The following EPM2A variants were observed in gnomAD, a reference collection of about 807,000 sequenced individuals.
The protein encoded by EPM2A is EPM2A glucan phosphatase, laforin.
EPM2A carries 21 observed loss-of-function variants against 26.5 expected under a neutral mutation model. The observed-to-expected ratio is 0.79, with a 90% CI of 0.56 to 1.14. The LOEUF (loss-of-function observed/expected upper bound fraction) is 1.14. Ranked by LOEUF, EPM2A falls within the 50% of genes most tolerant of loss-of-function variation. The pLI is 0.00. For missense variants in EPM2A, 458 were observed against 440.8 expected (o/e 1.04, Z -0.35); for synonymous variants, 217 against 177.6 (o/e 1.22, Z -1.76).
chr6:145,460,890 A>T (rs1231578767), intron 4 of EPM2A, among the ~76,000 whole-genome samples: 1 of 152,224 alleles, frequency 6.6e-6, no homozygotes, highest in Non-Finnish European at 1.5e-5. Context: ...TCTTAAAAAA[A>T]ATCCTAAACT....
At chr6:145,609,145 T>A (rs77541061) in intron 2 of EPM2A, among the ~76,000 whole-genome samples, 1 of 152,302 alleles carries the variant, frequency 6.6e-6, no homozygotes, top group Middle Eastern at 3.4e-3. Flanking sequence ...TCTAATACAC[T>A]TGCCTTACAT....
At chr6:145,495,879 T>C (rs1486624588) in intron 4 of EPM2A, among the ~76,000 whole-genome samples, 1 of 152,178 alleles carries the variant, frequency 6.6e-6, no homozygotes, top group East Asian at 1.9e-4. Context: ...CTGGCCTATG[T>C]GGCTGCTTTA....
intron 4 of EPM2A, among the ~76,000 whole-genome samples, chr6:145,488,309 A>G (rs186339157): frequency 4.7e-4 from 72 of 152,142 alleles, no homozygotes; most frequent in African/African-American, 1.6e-3. Flanking sequence ...AGCTCTTTTT[A>G]GGTTCCACAT....
chr6:145,407,448 C>T (rs1412973708), intron 4 of EPM2A, among the ~76,000 whole-genome samples: 1 of 152,052 alleles, frequency 6.6e-6, no homozygotes, highest in African/African-American at 2.4e-5. Flanking sequence ...GTTATCTTGT[C>T]TCATTGACAT....
At chr6:145,472,426 C>T (rs1321903040) in intron 4 of EPM2A, among the ~76,000 whole-genome samples, 1 of 150,384 alleles carries the variant, frequency 6.6e-6, no homozygotes, top group African/African-American at 2.5e-5. Flanking sequence ...TAGGTACCAT[C>T]ATAGCCACGG....
intron 2 of EPM2A, among the ~76,000 whole-genome samples, chr6:145,525,853 C>A (rs1295436358): frequency 1.3e-5 from 2 of 152,044 alleles, no homozygotes; most frequent in Admixed American, 6.6e-5. Context: ...TAAGAGAGAT[C>A]ATCCTTGTCT....
intron 4 of EPM2A, among the ~76,000 whole-genome samples, chr6:145,474,479 A>C (rs1779517576): frequency 6.6e-6 from 1 of 152,018 alleles, no homozygotes; most frequent in African/African-American, 2.4e-5. Context: ...CTAAAACTAA[A>C]ATAAAAGACT....
intron 2 of EPM2A, among the ~76,000 whole-genome samples, chr6:145,585,124 C>T (rs1781174888): frequency 6.6e-6 from 1 of 152,014 alleles, no homozygotes; most frequent in Non-Finnish European, 1.5e-5. Flanking sequence ...TCTCTGAGTG[C>T]TTTTAAGATT....
At chr6:145,517,467 G>A (rs931624662) in intron 2 of EPM2A, among the ~76,000 whole-genome samples, 7 of 152,184 alleles carry the variant, frequency 4.6e-5, no homozygotes, top group Non-Finnish European at 1.0e-4. Context: ...GCTTCCCAAA[G>A]AGCATCACAC....
At chr6:145,724,860 T>G (rs1024597651) in intron 1 of EPM2A, among the ~76,000 whole-genome samples, 3 of 152,018 alleles carry the variant, frequency 2.0e-5, no homozygotes, top group Admixed American at 2.0e-4. Context: ...AAATGGCTTA[T>G]AAATATATAC....
intron 2 of EPM2A, chr6:145,671,096 A>T: frequency 3.0e-6 from 3 of 992,086 alleles, no homozygotes; most frequent in Non-Finnish European, 3.6e-6. Flanking sequence ...AAGCAGGACT[A>T]TGTAATTAGG....
At chr6:145,410,948 G>A (rs1286071408) in intron 4 of EPM2A, among the ~76,000 whole-genome samples, 1 of 152,178 alleles carries the variant, frequency 6.6e-6, no homozygotes, top group Non-Finnish European at 1.5e-5. Context: ...AGCTTTAGCA[G>A]ATGACCTGAC....
intron 2 of EPM2A, among the ~76,000 whole-genome samples, chr6:145,683,582 T>C (rs1256450056): frequency 1.3e-5 from 2 of 152,118 alleles, no homozygotes; most frequent in Admixed American, 1.3e-4. Flanking sequence ...AGGTTCACTC[T>C]CACCTGCACA....
chr6:145,387,346 C>T (rs1778276734), intron 4 of EPM2A, among the ~76,000 whole-genome samples: 1 of 152,156 alleles, frequency 6.6e-6, no homozygotes, highest in Admixed American at 6.6e-5. Flanking sequence ...CTTCAGACAT[C>T]CTCAACAGGG....
At chr6:145,384,261 C>T (rs10457774) in intron 4 of EPM2A, among the ~76,000 whole-genome samples, 16,606 of 152,156 alleles carry the variant, frequency 0.11, 951 homozygotes, top group South Asian at 0.17. Flanking sequence ...CTTACAAAAA[C>T]GTAAACGATA....
intron 4 of EPM2A, among the ~76,000 whole-genome samples, chr6:145,433,740 AATATT>A (rs1444999970): frequency 6.6e-6 from 1 of 152,208 alleles, no homozygotes; most frequent in East Asian, 1.9e-4. Context: ...TGAATAAAAC[AATATT>A]ATTTGAAAAC....
intron 1 of EPM2A, among the ~76,000 whole-genome samples, chr6:145,696,578 T>C (rs1781582423): frequency 6.6e-6 from 1 of 151,940 alleles, no homozygotes; most frequent in Non-Finnish European, 1.5e-5. Flanking sequence ...ATAATAGAAA[T>C]AGGAATTATA....
rs200391784 is a variant in EPM2A, at chr6:145,483,124, CT to C, written c.555+19397del. 3.7e-3 allele frequency among the ~76,000 whole-genome samples: 561 copies of C among 150,814 alleles called. 1 individual carries two copies. Among genetic ancestry groups the C allele is most frequent in the African/African-American group, 0.013 (518 of 41,284 alleles). ...AATGTAAGCTCATCAAAGTTTCTTT[CT>C]TTTTTTTTATTTTTTAAAAATCAAA... On this transcript the variant is annotated intron_variant, in intron 4 of 4. Coordinates refer to the EPM2A transcript ENST00000638717.
At chr6:145,488,522 T>TGTGTGTGAGA (rs1201742298) in intron 4 of EPM2A, among the ~76,000 whole-genome samples, 1 of 139,920 alleles carries the variant, frequency 7.1e-6, no homozygotes, top group African/African-American at 2.8e-5. Context: ...TGTGTGTGTG[T>TGTGTGTGAGA]GAGAGAGAGA....
Sources: gnomAD v4.1 joint callset for allele counts (sites outside exome capture counted in the v4.1 genomes callset) on GRCh38, gnomAD v4.1.1 for gene constraint, MANE v1.5 for transcripts, NCBI Gene and HGNC (gene_info 2026-07-23, HGNC 2026-07-21) for gene names.